The following TRPS1 variants were observed in gnomAD, a reference collection of about 807,000 sequenced individuals.
TRPS1 encodes the protein transcriptional repressor GATA binding 1, also known as zinc finger transcription factor Trps1.
Under a neutral mutation model 101.2 loss-of-function variants are expected in TRPS1, and 6 were observed. The observed-to-expected ratio is 0.06, with a 90% CI of 0.03 to 0.12. TRPS1 has a LOEUF of 0.12. Among genes scored for constraint, TRPS1 ranks in the 10% least tolerant of loss-of-function variants. TRPS1 has a pLI of 1.00. For synonymous variants in TRPS1, 578 were observed against 589.8 expected (o/e 0.98, Z 0.29); for missense variants, 1,363 against 1,567.0 (o/e 0.87, Z 2.20).
At chr8:115,435,056 T>G (rs1586270569) in intron 5 of TRPS1, among the ~76,000 whole-genome samples, 1 of 152,204 alleles carries the variant, frequency 6.6e-6, no homozygotes, top group East Asian at 1.9e-4. Flanking sequence ...TAACAGCATT[T>G]AATACAAGTG....
intron 1 of TRPS1, among the ~76,000 whole-genome samples, chr8:115,656,342 C>A (rs1161590653): frequency 1.3e-5 from 2 of 152,074 alleles, no homozygotes; most frequent in Non-Finnish European, 2.9e-5. Context: ...TCTAAAATGT[C>A]TTTACATTAA....
At chr8:115,520,316 G>A (rs1815826966) in intron 5 of TRPS1, among the ~76,000 whole-genome samples, 1 of 151,596 alleles carries the variant, frequency 6.6e-6, no homozygotes, top group South Asian at 2.1e-4. Context: ...TTAAAGTACA[G>A]AAAAAAGAAA....
At chr8:115,445,116 T>A (rs1453090301) in intron 5 of TRPS1, among the ~76,000 whole-genome samples, 1 of 152,102 alleles carries the variant, frequency 6.6e-6, no homozygotes, top group Non-Finnish European at 1.5e-5. Context: ...ACTAGTTTAT[T>A]CTAAGTTCCC....
chr8:115,555,792 T>TAGG (rs1054991198), intron 5 of TRPS1, among the ~76,000 whole-genome samples: 2 of 151,978 alleles, frequency 1.3e-5, no homozygotes, highest in African/African-American at 4.8e-5. Flanking sequence ...TGCTTGAGTC[T>TAGG]AGGAGTTCGA....
At position 115,414,636 on chromosome 8, in the gene TRPS1, G is replaced by A. The variant is rs749289983; in HGVS notation, c.3272C>T (p.Pro1091Leu). ...IEKYMRPAKH[P>L]NYSPPGSPIE... ...AGGGCTGCCTGGTGGTGAATAATTT[G>A]GGTGTTTCGCAGGTCTCATGTACTT... The change falls in exon 7 of 7, where the codon CCA (proline) becomes CTA (leucine). Residue 1091 changes from proline to leucine, a missense_variant. By Grantham distance (98) the Pro-to-Leu change is moderately conservative. This residue lies in a region of TRPS1 where 307 missense variants were observed against 392.4 expected (regional missense o/e 0.78). Transcript: ENST00000395715. This position sits in a 1 kb window ranked among gnomAD's most constrained non-coding sequence, Gnocchi z 4.8. The A allele has an allele frequency of 6.2e-7, 1 of 1,614,014 alleles. No individual in the cohort carries two copies. Among genetic ancestry groups the A allele is most frequent in the Non-Finnish European group, 8.5e-7 (1 of 1,179,942 alleles).
At chr8:115,657,903 GAA>G (rs1449568736) in intron 1 of TRPS1, among the ~76,000 whole-genome samples, 2 of 152,066 alleles carry the variant, frequency 1.3e-5, no homozygotes, top group East Asian at 1.9e-4. Context: ...CCCCAGAATG[GAA>G]AAGTTATAAA....
intron 1 of TRPS1, among the ~76,000 whole-genome samples, chr8:115,650,911 C>T (rs1811545719): frequency 6.6e-6 from 1 of 152,178 alleles, no homozygotes; most frequent in Admixed American, 6.5e-5. Context: ...GATCTCCTGA[C>T]TCTAAATCAC....
Position 115,650,010 on chromosome 8 carries a change from G to C in TRPS1, c.-122+18535C>G, listed in dbSNP as rs530845795. Among the ~76,000 whole-genome samples, 412 of 152,224 alleles carry C rather than the reference G, an allele frequency of 2.7e-3. 1 individual carries two copies. Among genetic ancestry groups the C allele is most frequent in the Non-Finnish European group, 4.0e-3 (273 of 68,014 alleles). On this transcript the variant is annotated intron_variant, in intron 1 of 6. Transcript: ENST00000395715. The stretch of plus-strand genomic sequence containing the variant: ...TCTGCATTTAGCAAACAGGAGAGCT[G>C]GACAATCATATCAGGGATTATGAAA...
chr8:115,514,582 A>C lies in TRPS1; in HGVS notation c.2700+72419T>G, dbSNP rs1180160014. On this transcript the variant is annotated intron_variant, in intron 5 of 6. Coordinates refer to ENST00000395715, the MANE Select transcript of TRPS1 (RefSeq NM_014112.5). ...TAGTAGTTTTTTTAATGTATAATGA[A>C]TTATTTTAAAAATTTCCTTGAATTA... Among the ~76,000 whole-genome samples, 4 of 151,734 alleles carry C rather than the reference A, an allele frequency of 2.6e-5. No homozygotes were observed. The East Asian group carries it at 7.8e-4, about 29-fold the overall frequency.
At chr8:115,490,258 A>G (rs1814987963) in intron 5 of TRPS1, among the ~76,000 whole-genome samples, 1 of 152,104 alleles carries the variant, frequency 6.6e-6, no homozygotes, top group African/African-American at 2.4e-5. Context: ...AGAAAGTAAA[A>G]CCGTGAAATA....
Position 115,414,594 on chromosome 8 carries a change from T to C in TRPS1, c.3314A>G (p.Tyr1105Cys). ...TACAAAGGGAAGTCCAAAAAGTGGG[T>C]ACTGGTACTTTTCAATAGGGCTGCC... is the stretch of plus-strand genomic sequence containing the variant. ...PPGSPIEKYQ[Y>C]PLFGLPFVHN... Residue 1105 changes from tyrosine to cysteine, a missense_variant, in exon 7 of 7, where the codon TAC becomes TGC. Tyr to Cys is a radical substitution (Grantham distance 194). Around this residue, in one of 5 missense-constraint regions of TRPS1, gnomAD observed 307 missense variants for 392.4 expected, o/e 0.78. Coordinates refer to ENST00000395715, the MANE Select transcript of TRPS1 (RefSeq NM_014112.5). This position sits in a 1 kb window ranked among gnomAD's most constrained non-coding sequence, Gnocchi z 4.8. 1 of 1,613,920 alleles carries C rather than the reference T, an allele frequency of 6.2e-7. No homozygotes were observed. The highest frequency in any genetic ancestry group is 8.5e-7 in the Non-Finnish European group (1 of 1,179,924).
chr8:115,619,994 T>C lies in TRPS1; in HGVS notation c.104A>G (p.Glu35Gly), dbSNP rs199995072. Residue 35 changes from glutamate (E) to glycine (G), a missense_variant, in exon 3 of 7, where the codon GAG becomes GGG. Physicochemically the swap from Glu to Gly is moderately conservative, Grantham distance 98. Coordinates refer to ENST00000395715, the MANE Select transcript of TRPS1 (RefSeq NM_014112.5). ...VASEGEGQILEPIGTESKVSG... is the reference protein window; with the variant it reads ...VASEGEGQILGPIGTESKVSG... ...TACCTTGCTTTCTGTACCTATAGGC[T>C]CCAGGATCTGGCCCTCGCCTTCACT... 9.3e-6 allele frequency: 15 copies of C among 1,614,188 alleles called. No individual in the cohort carries two copies. The East Asian group carries it at 3.1e-4, about 34-fold the overall frequency.
intron 5 of TRPS1, among the ~76,000 whole-genome samples, chr8:115,498,397 CTCTCTCTCTCTCTCTCTCTATA>C (rs1815207706): frequency 3.7e-5 from 3 of 80,980 alleles, no homozygotes; most frequent in South Asian, 5.0e-4. Context: ...CTCTCTCTCT[CTCTCTCTCTCTCTCTCTCTATA>C]TATATATATA....
At chr8:115,441,058 A>G (rs1425232488) in intron 5 of TRPS1, among the ~76,000 whole-genome samples, 1 of 152,218 alleles carries the variant, frequency 6.6e-6, no homozygotes, top group African/African-American at 2.4e-5. Context: ...GATATATCCA[A>G]CCATCAAACT....
intron 5 of TRPS1, among the ~76,000 whole-genome samples, chr8:115,427,709 C>A (rs1813220540): frequency 6.6e-6 from 1 of 151,940 alleles, no homozygotes; most frequent in South Asian, 2.1e-4. Context: ...CCAATAACAG[C>A]TGATTGAAAT....
rs1414562253 is a variant in TRPS1, at chr8:115,542,898, TGAGGG to T, written c.2700+44098_2700+44102del. The stretch of plus-strand genomic sequence containing the variant: ...CTACTCTGAAATAATCATAGTTCCA[TGAGGG>T]AAAAGCACAAGCTTAAGCTTTCTCC... On this transcript the variant is annotated intron_variant, in intron 5 of 6. Coordinates refer to ENST00000395715, the MANE Select transcript of TRPS1 (RefSeq NM_014112.5). Among the ~76,000 whole-genome samples, 25 of 152,316 alleles carry T rather than the reference TGAGGG, an allele frequency of 1.6e-4. No homozygotes were observed. In the South Asian group the frequency reaches 5.0e-3, roughly 30 times the overall value.
chr8:115,608,143 C>T (rs180878718), intron 3 of TRPS1, among the ~76,000 whole-genome samples: 1 of 152,232 alleles, frequency 6.6e-6, no homozygotes, highest in Non-Finnish European at 1.5e-5. Context: ...TTTACTGCTT[C>T]TTAGCTGTGA....
At chr8:115,461,096 G>A (rs1301766288) in intron 5 of TRPS1, among the ~76,000 whole-genome samples, 2 of 152,082 alleles carry the variant, frequency 1.3e-5, no homozygotes, top group Non-Finnish European at 2.9e-5. Flanking sequence ...ACCTCTGCAT[G>A]TCATACAATA....
At chr8:115,447,574 G>A (rs1813769011) in intron 5 of TRPS1, among the ~76,000 whole-genome samples, 1 of 152,070 alleles carries the variant, frequency 6.6e-6, no homozygotes, top group African/African-American at 2.4e-5. Flanking sequence ...ACCAAATCCA[G>A]TTGGTATTCC....
Sources: gnomAD v4.1 joint callset for allele counts (sites outside exome capture counted in the v4.1 genomes callset) on GRCh38, gnomAD v4.1.1 for gene constraint, gnomAD v4.1.1 regional missense constraint, Gnocchi (gnomAD v3.1) non-coding constraint, MANE v1.5 for transcripts, NCBI Gene and HGNC (gene_info 2026-07-23, HGNC 2026-07-21) for gene names.